The following RNF175 variants were observed in gnomAD, a reference collection of about 807,000 sequenced individuals.
RNF175 encodes ring finger protein 175.
In RNF175, 38 loss-of-function variants were observed where a neutral mutation model predicts 50.0. The ratio of observed to expected loss-of-function variants is 0.76; its 90% CI spans 0.59 to 1.00. RNF175 has a LOEUF of 1.00. Among genes scored for constraint, RNF175 ranks in the 50% least tolerant of loss-of-function variants. The pLI, the probability that RNF175 is intolerant of heterozygous loss-of-function variation, is 0.00. For missense variants in RNF175, 388 were observed against 409.6 expected (o/e 0.95, Z 0.46); for synonymous variants, 155 against 146.1 (o/e 1.06, Z -0.44).
At chr4:153,759,438 G>A (rs1313462854) in intron 1 of RNF175, among the ~76,000 whole-genome samples, 1 of 152,230 alleles carries the variant, frequency 6.6e-6, no homozygotes, top group Non-Finnish European at 1.5e-5. Flanking sequence ...GGCTTCCGCC[G>A]AGGAGGGAGG....
At chr4:153,727,149 C>A (rs1158472547) in intron 4 of RNF175, among the ~76,000 whole-genome samples, 1 of 152,158 alleles carries the variant, frequency 6.6e-6, no homozygotes, top group Non-Finnish European at 1.5e-5. Flanking sequence ...AGAGCACTTT[C>A]ACAAATCTTA....
intron 3 of RNF175, among the ~76,000 whole-genome samples, chr4:153,734,956 T>A (rs927158123): frequency 6.6e-6 from 1 of 152,024 alleles, no homozygotes; most frequent in Non-Finnish European, 1.5e-5. Flanking sequence ...GATTACAGGC[T>A]TGAGCCACCA....
At chr4:153,731,685 G>GAGGA (rs200209706) in intron 3 of RNF175, among the ~76,000 whole-genome samples, 24,814 of 148,486 alleles carry the variant, frequency 0.17, 2,414 homozygotes, top group East Asian at 0.33. Flanking sequence ...GGGAGGGAGG[G>GAGGA]AGGAAGGAAG....
At position 153,737,074 on chromosome 4, in the gene RNF175, G is replaced by A. The variant is rs545913183; in HGVS notation, c.247-8713C>T. ...GGGTCTCATTATGTTGCCCAGGCTG[G>A]TCTTGAACACTTGGCCTCAAGTGAT... On this transcript the variant is annotated intron_variant, in intron 3 of 8. Coordinates refer to ENST00000347063, the MANE Select transcript of RNF175 (RefSeq NM_173662.4). Among the ~76,000 whole-genome samples the A allele has an allele frequency of 7.1e-4, 108 of 152,258 alleles. 1 individual carries two copies. Among genetic ancestry groups the A allele is most frequent in the African/African-American group, 2.5e-3 (105 of 41,538 alleles).
At chr4:153,733,753 T>C (rs1374807285) in intron 3 of RNF175, among the ~76,000 whole-genome samples, 2 of 152,338 alleles carry the variant, frequency 1.3e-5, no homozygotes, top group Non-Finnish European at 2.9e-5. Context: ...TATTTTGAAG[T>C]CCGGTTTTTG....
chr4:153,735,886 T>C (rs8180349), intron 3 of RNF175, among the ~76,000 whole-genome samples: 38,424 of 152,142 alleles, frequency 0.25, 5,756 homozygotes, highest in East Asian at 0.8. Flanking sequence ...CATGAGTTTA[T>C]GTTGATTCTT....
chr4:153,739,105 A>G (rs1175783222), intron 3 of RNF175, among the ~76,000 whole-genome samples: 1 of 152,232 alleles, frequency 6.6e-6, no homozygotes, highest in Non-Finnish European at 1.5e-5. Context: ...TACTTTGAAC[A>G]ATTAATCTAT....
chr4:153,712,667 G>A, intron 7 of RNF175, 91 bp from the exon 8 acceptor site: 1 of 841,734 alleles, frequency 1.2e-6, no homozygotes, highest in Non-Finnish European at 2.0e-6. Context: ...AGGGTCTAGT[G>A]GTGGAGTCAT....
intron 3 of RNF175, among the ~76,000 whole-genome samples, chr4:153,738,781 TG>T (rs1185616158): frequency 6.6e-6 from 1 of 152,246 alleles, no homozygotes; most frequent in Non-Finnish European, 1.5e-5. Context: ...TTGTTGCACT[TG>T]TTCCTTGCAT....
chr4:153,733,281 C>T (rs537686219), intron 3 of RNF175, among the ~76,000 whole-genome samples: 14 of 151,814 alleles, frequency 9.2e-5, no homozygotes, highest in Admixed American at 1.3e-4. Context: ...ATGAATAATA[C>T]CTTCAGGGTA....
chr4:153,715,371 G>C (rs975619208), intron 7 of RNF175, 158 bp downstream of exon 7: 1 of 729,176 alleles, frequency 1.4e-6, no homozygotes, highest in Non-Finnish European at 2.4e-6. Flanking sequence ...ATTCAGCAGG[G>C]ACAAACAGGA....
chr4:153,748,027 C>T (rs1740071981), intron 3 of RNF175, among the ~76,000 whole-genome samples: 1 of 152,178 alleles, frequency 6.6e-6, no homozygotes, highest in African/African-American at 2.4e-5. Flanking sequence ...GGTCCACATT[C>T]ATGTTTTTAT....
intron 3 of RNF175, among the ~76,000 whole-genome samples, chr4:153,747,145 T>G (rs1332289141): frequency 6.6e-6 from 1 of 152,180 alleles, no homozygotes. Flanking sequence ...CAGGGTCATT[T>G]TCCTGTTGTC....
At chr4:153,737,834 T>C (rs1739430000) in intron 3 of RNF175, among the ~76,000 whole-genome samples, 1 of 152,186 alleles carries the variant, frequency 6.6e-6, no homozygotes, top group South Asian at 2.1e-4. Context: ...AATGGAACTG[T>C]TCAGTCAATT....
At chr4:153,732,401 G>A (rs547685501) in intron 3 of RNF175, among the ~76,000 whole-genome samples, 1 of 152,124 alleles carries the variant, frequency 6.6e-6, no homozygotes, top group Admixed American at 6.5e-5. Context: ...AGGAGGTTCT[G>A]CAATGTTATA....
chr4:153,722,956 TAC>T (rs1207719781), intron 5 of RNF175, among the ~76,000 whole-genome samples: 1 of 152,202 alleles, frequency 6.6e-6, no homozygotes, highest in East Asian at 1.9e-4. Flanking sequence ...AGCTAGTGGC[TAC>T]TATACTGGAC....
At chr4:153,712,651 A>G in intron 7 of RNF175, 75 bp from the exon 8 acceptor site, 1 of 955,276 alleles carries the variant, frequency 1.0e-6, no homozygotes. Context: ...GAATGGTCCC[A>G]TCTTCAGGGT....
chr4:153,734,220 G>A (rs2606332), intron 3 of RNF175, among the ~76,000 whole-genome samples: 26,892 of 152,120 alleles, frequency 0.18, 3,092 homozygotes, highest in Non-Finnish European at 0.25. Context: ...GTAAATACCC[G>A]GTAGAGTGAT....
At chr4:153,710,753 A>G (rs192752883) in intron 8 of RNF175, among the ~76,000 whole-genome samples, 108 of 152,346 alleles carry the variant, frequency 7.1e-4, no homozygotes, top group African/African-American at 2.4e-3. Context: ...AGGCAAGGGT[A>G]TATGCTAAAA....
Sources: gnomAD v4.1 joint callset for allele counts (sites outside exome capture counted in the v4.1 genomes callset) on GRCh38, gnomAD v4.1.1 for gene constraint, MANE v1.5 for transcripts, NCBI Gene and HGNC (gene_info 2026-07-23, HGNC 2026-07-21) for gene names.